JAKMIP2: variants seen among roughly 807,000 people sequenced by gnomAD.
The protein encoded by JAKMIP2 is janus kinase and microtubule-interacting protein 2.
Under a neutral mutation model 115.0 loss-of-function variants are expected in JAKMIP2, and 25 were observed. The observed-to-expected ratio is 0.22, with a 90% CI of 0.16 to 0.30. The LOEUF is 0.30. Ranked by LOEUF, JAKMIP2 falls within the 10% of genes least tolerant of loss-of-function variation. JAKMIP2 has a pLI of 1.00. For synonymous variants in JAKMIP2, 334 were observed against 343.6 expected (o/e 0.97, Z 0.31); for missense variants, 642 against 957.6 (o/e 0.67, Z 4.35).
At chr5:147,671,532 G>A (rs1397968415) in intron 2 of JAKMIP2, 146 bp downstream of exon 2, 3 of 504,336 alleles carry the variant, frequency 5.9e-6, no homozygotes, top group Non-Finnish European at 9.5e-6. Context: ...CATGCAATAA[G>A]CTCTCCATGT....
At chr5:147,773,947 A>T (rs1447970725) in intron 1 of JAKMIP2, among the ~76,000 whole-genome samples, 1 of 152,154 alleles carries the variant, frequency 6.6e-6, no homozygotes, top group Non-Finnish European at 1.5e-5. Context: ...CTTCATTTTT[A>T]AAAAGCTGAG....
chr5:147,650,229 G>A (rs942087619), intron 4 of JAKMIP2, 109 bp downstream of exon 4: 2 of 719,918 alleles, frequency 2.8e-6, no homozygotes, highest in South Asian at 1.7e-5. Flanking sequence ...GTAGAAGGTA[G>A]ATTGATTTCT....
chr5:147,671,589 G>T (rs1278925993), intron 2 of JAKMIP2, 89 bp downstream of exon 2: 2 of 1,166,830 alleles, frequency 1.7e-6, no homozygotes, highest in South Asian at 3.3e-5. Flanking sequence ...AGTCCACTGG[G>T]GTAGGCCAGC....
intron 1 of JAKMIP2, among the ~76,000 whole-genome samples, chr5:147,763,033 G>C (rs1320898080): frequency 6.6e-6 from 1 of 151,972 alleles, no homozygotes; most frequent in Admixed American, 6.6e-5. Context: ...TCTCTAACCC[G>C]GAGCTAAATC....
intron 1 of JAKMIP2, among the ~76,000 whole-genome samples, chr5:147,745,497 T>A (rs1397012592): frequency 3.3e-5 from 5 of 152,176 alleles, no homozygotes; most frequent in Non-Finnish European, 7.3e-5. Context: ...TTAGGATTCA[T>A]CCAGGAGGAC....
chr5:147,617,131 A>G (rs1172506775), intron 19 of JAKMIP2, among the ~76,000 whole-genome samples: 1 of 152,188 alleles, frequency 6.6e-6, no homozygotes, highest in African/African-American at 2.4e-5. Context: ...AAGAGTTACA[A>G]TTAAAAATTT....
At chr5:147,610,427 A>G (rs1445026465) in intron 20 of JAKMIP2, among the ~76,000 whole-genome samples, 1 of 152,100 alleles carries the variant, frequency 6.6e-6, no homozygotes, top group Non-Finnish European at 1.5e-5. Context: ...TTTTCCTTCT[A>G]ACAGTCAGGC....
chr5:147,621,418 G>A (rs1756841965), intron 17 of JAKMIP2, among the ~76,000 whole-genome samples: 1 of 152,188 alleles, frequency 6.6e-6, no homozygotes, highest in African/African-American at 2.4e-5. Flanking sequence ...TTAACTGAAG[G>A]AACAAAGACT....
Position 147,618,581 on chromosome 5 carries a change from A to AC in JAKMIP2, c.2143-468_2143-467insG. On this transcript the variant is annotated intron_variant, in intron 18 of 21. Transcript: ENST00000616793. ...GTGAAACCCCATTTCTACTAAAAATATAAAAAATTAGGTGGGCGTGGTGGT... is the reference window on the plus strand; with the variant it reads ...GTGAAACCCCATTTCTACTAAAAATACTAAAAAATTAGGTGGGCGTGGTGGT... Among the ~76,000 whole-genome samples the AC allele has an allele frequency of 2.6e-5, 4 of 152,240 alleles. 1 individual carries two copies. The Middle Eastern group carries it at 0.014, about 518-fold the overall frequency.
chr5:147,770,175 A>C (rs761458392), intron 1 of JAKMIP2, among the ~76,000 whole-genome samples: 2 of 152,066 alleles, frequency 1.3e-5, no homozygotes, highest in Non-Finnish European at 2.9e-5. Flanking sequence ...CTATATCACT[A>C]AACATTTTTC....
intron 2 of JAKMIP2, among the ~76,000 whole-genome samples, chr5:147,667,245 C>T (rs1759348360): frequency 2.0e-5 from 3 of 152,028 alleles, no homozygotes; most frequent in Non-Finnish European, 4.4e-5. Context: ...CCTTTCTACC[C>T]TAGAGGTTCT....
intron 18 of JAKMIP2, 76 bp from the exon 19 acceptor site, chr5:147,618,190 G>T (rs1756677774): frequency 9.6e-7 from 1 of 1,039,840 alleles, no homozygotes; most frequent in African/African-American, 1.6e-5. Flanking sequence ...TGCTATGTAT[G>T]TATATGTATA....
chr5:147,591,526 A>C lies in JAKMIP2; in HGVS notation c.*181T>G. ...CAGGGTTGTGTAGGAACTGTCAAGT[A>C]AGAAACCTTGAATAATGGCTTTAAA... On this transcript the variant is annotated 3_prime_UTR_variant, in exon 22 of 22. Transcript: ENST00000616793. 1 of 723,690 alleles carries C rather than the reference A, an allele frequency of 1.4e-6. No individual in the cohort carries two copies. The highest frequency in any genetic ancestry group is 2.4e-6 in the Non-Finnish European group (1 of 410,900). The allele number at this position is 723,690 out of a possible 1,614,324, so 44.8% of individuals were successfully genotyped here. A position where few individuals can be genotyped will look rare whatever the true frequency, so the allele number is the denominator to read the frequency against.
At chr5:147,683,976 A>G (rs1760443995) in intron 1 of JAKMIP2, among the ~76,000 whole-genome samples, 1 of 152,218 alleles carries the variant, frequency 6.6e-6, no homozygotes, top group Non-Finnish European at 1.5e-5. Flanking sequence ...ATACTATGGT[A>G]TCTATAATAT....
Position 147,586,627 on chromosome 5 carries a change from TCA to T in JAKMIP2, c.*5078_*5079del, listed in dbSNP as rs1754880173. The T allele has an allele frequency of 1.3e-5, 2 of 152,118 alleles. No homozygotes were observed. Among genetic ancestry groups the T allele is most frequent in the Non-Finnish European group, 2.9e-5 (2 of 68,010 alleles). The allele number at this position is 152,118 out of a possible 1,614,324, so 9.4% of individuals were successfully genotyped here. On this transcript the variant is annotated 3_prime_UTR_variant, in exon 22 of 22. Transcript: ENST00000616793. ...CAGAAAAAAACAAAAACAGGAACCC[TCA>T]CCAAATCAACCACGTGTATCTCTGC...
chr5:147,774,456 T>C (rs535426865), intron 1 of JAKMIP2, among the ~76,000 whole-genome samples: 2 of 152,330 alleles, frequency 1.3e-5, no homozygotes, highest in African/African-American at 4.8e-5. Context: ...TATCATCATA[T>C]AAAAATTTGT....
chr5:147,628,244 G>T (rs1044690163), intron 16 of JAKMIP2, among the ~76,000 whole-genome samples: 6 of 152,050 alleles, frequency 3.9e-5, no homozygotes, highest in Admixed American at 1.3e-4. Flanking sequence ...CATTTACCAG[G>T]TTTAGACACA....
In JAKMIP2 at chr5:147,595,328, A is replaced by G. The variant is rs888102929; in HGVS notation, c.*21-3642T>C. ...GCTTTTAGGAGGTTATTAGGCCATG[A>G]GTGCAGAATGGATGAGGGATTAGTG... On this transcript the variant is annotated intron_variant, in intron 21 of 21. Coordinates refer to ENST00000616793, the MANE Select transcript of JAKMIP2 (RefSeq NM_001270941.2). 1.0e-5 allele frequency: 4 copies of G among 385,138 alleles called. No homozygotes were observed. The East Asian group carries it at 2.9e-4, about 28-fold the overall frequency. 23.9% of individuals were successfully genotyped at this position (385,138 alleles called of 1,614,324 possible).
chr5:147,644,141 C>T lies in JAKMIP2; in HGVS notation c.1141G>A (p.Asp381Asn), dbSNP rs762591895. The T allele has an allele frequency of 1.9e-6, 3 of 1,607,114 alleles. No individual in the cohort carries two copies. The highest frequency in any genetic ancestry group is 1.7e-5 in the Admixed American group (1 of 59,880). Reference sequence around the variant, plus strand: ...GTTTCTTGTTCTTCATTAGCTTGGTCGAGGTCATTCAGAGATTTTAATTTC... The same window carrying T: ...GTTTCTTGTTCTTCATTAGCTTGGTTGAGGTCATTCAGAGATTTTAATTTC... ...LKKLKSLNDLDQANEEQETEF... is the reference protein window; with the variant it reads ...LKKLKSLNDLNQANEEQETEF... The change falls in exon 7 of 22, where the codon GAC (aspartate) becomes AAC (asparagine). Residue 381 changes from aspartate (D) to asparagine (N), a missense_variant. By Grantham distance (23) the Asp-to-Asn change is conservative. This residue lies in a region of JAKMIP2 where 439 missense variants were observed against 570.9 expected (regional missense o/e 0.77). Coordinates refer to ENST00000616793, the MANE Select transcript of JAKMIP2 (RefSeq NM_001270941.2).
Sources: gnomAD v4.1 joint callset for allele counts (sites outside exome capture counted in the v4.1 genomes callset) on GRCh38, gnomAD v4.1.1 for gene constraint, gnomAD v4.1.1 regional missense constraint, MANE v1.5 for transcripts, NCBI Gene and HGNC (gene_info 2026-07-23, HGNC 2026-07-21) for gene names.